SAV1: variants seen among roughly 807,000 people sequenced by gnomAD.
SAV1 encodes the protein salvador family WW domain containing protein 1.
In SAV1, 23 loss-of-function variants were observed where a neutral mutation model predicts 47.3. The ratio of observed to expected loss-of-function variants is 0.49; its 90% CI spans 0.35 to 0.69. The LOEUF (loss-of-function observed/expected upper bound fraction) is 0.69, where lower values mean the gene tolerates loss of function less well. SAV1 is among the 30% of genes least tolerant of loss of function. The probability of loss-of-function intolerance (pLI) is 0.01; values close to 1 mark genes in which losing one functional copy is unlikely to be tolerated. For missense variants in SAV1, 448 were observed against 457.4 expected (o/e 0.98, Z 0.19); for synonymous variants, 155 against 159.2 (o/e 0.97, Z 0.20).
At chr14:50,667,815 G>T in intron 1 of SAV1, 59 bp downstream of exon 1, 1 of 1,415,034 alleles carries the variant, frequency 7.1e-7, no homozygotes. Context: ...CCCCCGCCAG[G>T]GTCCCCGGAG....
intron 1 of SAV1, chr14:50,667,453 CGA>C (rs2140268603): frequency 6.6e-6 from 3 of 456,752 alleles, no homozygotes; most frequent in East Asian, 6.9e-5. Flanking sequence ...GCAGCACAGT[CGA>C]GAGACACCCG....
chr14:50,641,706 AAAT>A lies in SAV1; in HGVS notation c.807-816_807-814del, dbSNP rs2039681995. Among the ~76,000 whole-genome samples, 4 of 152,326 alleles carry A rather than the reference AAAT, an allele frequency of 2.6e-5. 1 individual carries two copies. In the South Asian group the frequency reaches 8.3e-4, roughly 32 times the overall value. On this transcript the variant is annotated intron_variant, in intron 3 of 4. Transcript: ENST00000324679. ...GAATGGCTATTATTAAAAAGTCAAA[AAAT>A]AACAGATGCTGGTATGGTTGCAAAG...
At chr14:50,667,240 A>T (rs948719433) in intron 1 of SAV1, 4 of 242,672 alleles carry the variant, frequency 1.6e-5, no homozygotes, top group African/African-American at 9.1e-5. Context: ...GGGGTTCTCT[A>T]ATACGATAGA....
chr14:50,637,364 C>T (rs1324602014), intron 4 of SAV1, among the ~76,000 whole-genome samples: 2 of 152,146 alleles, frequency 1.3e-5, no homozygotes, highest in Non-Finnish European at 2.9e-5. Context: ...ATTCTTGTAA[C>T]TTAAGATTTT....
intron 3 of SAV1, among the ~76,000 whole-genome samples, chr14:50,644,485 T>G (rs2039704045): frequency 6.6e-6 from 1 of 152,196 alleles, no homozygotes; most frequent in South Asian, 2.1e-4. Flanking sequence ...ACAAAAACAT[T>G]CTGGCATTAC....
chr14:50,652,075 A>T (rs1479536916), intron 2 of SAV1, among the ~76,000 whole-genome samples: 1 of 152,238 alleles, frequency 6.6e-6, no homozygotes, highest in Non-Finnish European at 1.5e-5. Flanking sequence ...AAAGCAAATG[A>T]ATAGTTACAT....
chr14:50,667,235 T>C (rs573285016), intron 1 of SAV1: 28 of 219,676 alleles, frequency 1.3e-4, no homozygotes, highest in African/African-American at 4.5e-4. Flanking sequence ...AGGGGGGGGT[T>C]CTCTAATACG....
chr14:50,665,620 C>A lies in SAV1; in HGVS notation c.95-1G>T. On this transcript the variant is annotated splice_acceptor_variant, in intron 1 of 4. Coordinates refer to ENST00000324679, the MANE Select transcript of SAV1 (RefSeq NM_021818.4). LOFTEE classifies it high-confidence loss of function. ...TGCCGGATGAATGAAGGCATAAGAT[C>A]TACAATAAAACAAAGGATAAAATTA... The A allele has an allele frequency of 6.3e-7, 1 of 1,581,598 alleles. No individual in the cohort carries two copies. The highest frequency in any genetic ancestry group is 8.6e-7 in the Non-Finnish European group (1 of 1,165,654).
At chr14:50,661,310 T>A (rs1371412452) in intron 2 of SAV1, among the ~76,000 whole-genome samples, 1 of 152,236 alleles carries the variant, frequency 6.6e-6, no homozygotes, top group Non-Finnish European at 1.5e-5. Flanking sequence ...TGGGGTTGTT[T>A]TTCTTACTGT....
In SAV1 at chr14:50,634,349, T is replaced by G. The variant is rs2039614153; in HGVS notation, c.*834A>C. ...GGATTCCTTATTTTGTTTTTATTTT[T>G]TTATTTTTTATTTTTTGAGACAAGG... On this transcript the variant is annotated 3_prime_UTR_variant, in exon 5 of 5. Coordinates refer to ENST00000324679, the MANE Select transcript of SAV1 (RefSeq NM_021818.4). The G allele has an allele frequency of 3.5e-6, 1 of 288,488 alleles. No individual in the cohort carries two copies. Among genetic ancestry groups the G allele is most frequent in the Non-Finnish European group, 7.1e-6 (1 of 141,598 alleles). 17.9% of individuals were successfully genotyped at this position (288,488 alleles called of 1,614,324 possible).
At chr14:50,655,946 G>A (rs1050061716) in intron 2 of SAV1, among the ~76,000 whole-genome samples, 1 of 152,196 alleles carries the variant, frequency 6.6e-6, no homozygotes, top group African/African-American at 2.4e-5. Flanking sequence ...TAGAGAGGAT[G>A]AGGCAGAAGA....
rs2051701768 is a variant in SAV1 at position 50,634,522 on chromosome 14, TG to T, written c.*660del. On this transcript the variant is annotated 3_prime_UTR_variant, in exon 5 of 5. Coordinates refer to ENST00000324679, the MANE Select transcript of SAV1 (RefSeq NM_021818.4). ...CACCATCATACCCGGCTAATTTTTT[TG>T]TATTTTTTGTAGAGATGGGGCTTCA... is the stretch of plus-strand genomic sequence containing the variant. The T allele has an allele frequency of 6.3e-6, 1 of 159,344 alleles. No homozygotes were observed. Among genetic ancestry groups the T allele is most frequent in the Non-Finnish European group, 1.4e-5 (1 of 72,792 alleles). 9.9% of individuals were successfully genotyped at this position (159,344 alleles called of 1,614,324 possible). A position where few individuals can be genotyped will look rare whatever the true frequency, so the allele number is the denominator to read the frequency against.
At chr14:50,653,867 C>CA (rs931825307) in intron 2 of SAV1, among the ~76,000 whole-genome samples, 1,362 of 113,064 alleles carry the variant, frequency 0.012, 12 homozygotes, top group African/African-American at 0.038. Context: ...GACTCCATCT[C>CA]AAAAAAAAAA....
At chr14:50,648,113 T>A (rs1297734840) in intron 2 of SAV1, among the ~76,000 whole-genome samples, 4 of 152,156 alleles carry the variant, frequency 2.6e-5, no homozygotes, top group African/African-American at 9.7e-5. Context: ...AGGAATAAAA[T>A]GGAACTAATT....
chr14:50,663,631 TCTG>T, intron 2 of SAV1, among the ~76,000 whole-genome samples: 1 of 152,346 alleles, frequency 6.6e-6, no homozygotes, highest in South Asian at 2.1e-4. Context: ...ACTTCAGTGA[TCTG>T]CTTTCTCCTA....
intron 3 of SAV1, 35 bp from the exon 4 acceptor site, chr14:50,640,928 G>A (rs1320283965): frequency 6.5e-7 from 1 of 1,542,772 alleles, no homozygotes; most frequent in Non-Finnish European, 8.8e-7. Context: ...TTAGGATAAA[G>A]GTCTTAAAAT....
At chr14:50,645,749 G>C (rs938868745) in intron 2 of SAV1, among the ~76,000 whole-genome samples, 1 of 151,970 alleles carries the variant, frequency 6.6e-6, no homozygotes, top group Non-Finnish European at 1.5e-5. Context: ...ATGTAAAAAT[G>C]AACTTGTAAA....
intron 2 of SAV1, among the ~76,000 whole-genome samples, chr14:50,647,191 C>CT (rs34006515): frequency 0.021 from 3,215 of 151,908 alleles, 121 homozygotes; most frequent in African/African-American, 0.073. Context: ...ACAAAGAGTA[C>CT]TTTTTTTTAC....
At position 50,633,673 on chromosome 14, in the gene SAV1, T is replaced by A. The variant is rs976409116; in HGVS notation, c.*1510A>T. 1.3e-5 allele frequency: 2 copies of A among 152,720 alleles called. No individual in the cohort carries two copies. The highest frequency in any genetic ancestry group is 2.9e-5 in the Non-Finnish European group (2 of 68,090). 9.5% of individuals were successfully genotyped at this position (152,720 alleles called of 1,614,324 possible). On this transcript the variant is annotated 3_prime_UTR_variant, in exon 5 of 5. Coordinates refer to ENST00000324679, the MANE Select transcript of SAV1 (RefSeq NM_021818.4). ...AAATATATTTAATAAGCTTGTTATA[T>A]AAAATCAAACACTTAACATTGTCAA...
Sources: allele counts gnomAD v4.1 joint callset (sites outside exome capture counted in the v4.1 genomes callset), GRCh38; gene constraint gnomAD v4.1.1; transcripts MANE v1.5; gene names NCBI Gene and HGNC (gene_info 2026-07-23, HGNC 2026-07-21).